The following PEX1 variants were observed in gnomAD, a reference collection of about 807,000 sequenced individuals.
PEX1 encodes peroxisomal ATPase PEX1.
In PEX1, 97 loss-of-function variants were observed where a neutral mutation model predicts 152.5. That is an observed-to-expected ratio of 0.64 (90% CI 0.54 to 0.75). The LOEUF (loss-of-function observed/expected upper bound fraction) is 0.75. PEX1 is among the 30% of genes least tolerant of loss of function. PEX1 has a pLI of 0.00. For synonymous variants in PEX1, 485 were observed against 531.6 expected, an observed-to-expected ratio of 0.91 and a Z score of 1.21; for missense variants, 1,357 against 1,516.3, an observed-to-expected ratio of 0.89 and a Z score of 1.74.
rs1198978658 is a variant in PEX1, at chr7:92,491,282, G to C, written c.3428C>G (p.Ser1143Cys). The stretch of plus-strand genomic sequence containing the variant: ...GACTGCACAAGATACCAAATCAGAA[G>C]AGGTTCCATTTCCAAGTTCTGATTC... ...SYESELGNGTSSDLSSQCLSA... is the reference protein window; with the variant it reads ...SYESELGNGTCSDLSSQCLSA... The change falls in exon 21 of 24, where the codon TCT becomes TGT. Residue 1143 changes from serine (S) to cysteine (C), a missense_variant. Transcript: ENST00000248633. 6 of 1,598,416 alleles carry C rather than the reference G, an allele frequency of 3.8e-6. No homozygotes were observed. In the Admixed American group the frequency reaches 5.0e-5, roughly 13 times the overall value.
Position 92,489,767 on chromosome 7 carries a change from G to C in PEX1, c.3583C>G (p.Gln1195Glu). 1 of 1,614,082 alleles carries C rather than the reference G, an allele frequency of 6.2e-7. No individual in the cohort carries two copies. Among genetic ancestry groups the C allele is most frequent in the Non-Finnish European group, 8.5e-7 (1 of 1,179,998 alleles). ...ATAATACTGATATCTGCCCTCAGTT[G>C]ATCTCTTTGTTCTTGTGTAAGTTCT... is the stretch of plus-strand genomic sequence containing the variant. ...CQELTQEQRD[Q>E]LRADISIIKG... The change falls in exon 22 of 24, where the codon CAA becomes GAA. Residue 1195 changes from glutamine to glutamate, a missense_variant. Coordinates refer to ENST00000248633, the MANE Select transcript of PEX1 (RefSeq NM_000466.3).
chr7:92,511,805 C>A, intron 6 of PEX1, 102 bp from the exon 7 acceptor site: 1 of 1,044,488 alleles, frequency 9.6e-7, no homozygotes, highest in Non-Finnish European at 1.4e-6. Flanking sequence ...TAAGCCTGAC[C>A]AAACAAATCC....
chr7:92,511,880 G>A (rs1440420858), intron 6 of PEX1, among the ~76,000 whole-genome samples, 177 bp from the exon 7 acceptor site: 1 of 152,244 alleles, frequency 6.6e-6, no homozygotes, highest in Non-Finnish European at 1.5e-5. Flanking sequence ...AGCACAATGA[G>A]TGCAGTGTAG....
At chr7:92,506,427 C>T (rs1792193881) in intron 10 of PEX1, 83 bp from the exon 11 acceptor site, 2 of 887,590 alleles carry the variant, frequency 2.3e-6, no homozygotes, top group East Asian at 4.9e-5. Context: ...CACCAAGATT[C>T]AGCCTCAATT....
intron 11 of PEX1, 74 bp downstream of exon 11, chr7:92,506,174 T>A (rs982717344): frequency 2.4e-6 from 2 of 829,322 alleles, no homozygotes; most frequent in Non-Finnish European, 2.1e-6. Context: ...TTTATTAGAT[T>A]GACAGCATTA....
chr7:92,517,944 T>C lies in PEX1; in HGVS notation c.571A>G (p.Lys191Glu). 6.3e-7 allele frequency: 1 copy of C among 1,597,802 alleles called. No homozygotes were observed. The highest frequency in any genetic ancestry group is 8.5e-7 in the Non-Finnish European group (1 of 1,173,892). ...AGTTTTTTATATTCAGCATCAGCTT[T>C]TGAAAATGTATTCTCTTTGGCTCGG... is the stretch of plus-strand genomic sequence containing the variant. ...TRRAKENTFS[K>E]ADAEYKKLHS... Residue 191 changes from lysine to glutamate, a missense_variant, in exon 5 of 24, where the codon AAA becomes GAA. Transcript: ENST00000248633.
chr7:92,528,162 G>C (rs1384551803), intron 1 of PEX1, 145 bp downstream of exon 1: 5 of 1,028,420 alleles, frequency 4.9e-6, no homozygotes, highest in African/African-American at 1.6e-5. Flanking sequence ...AGACTACCCA[G>C]AAGGGCCCTG....
intron 16 of PEX1, among the ~76,000 whole-genome samples, chr7:92,498,241 C>T (rs962484989): frequency 2.0e-5 from 3 of 152,026 alleles, no homozygotes; most frequent in South Asian, 2.1e-4. Flanking sequence ...CGGTAGCTCA[C>T]GTCTGTAATC....
intron 6 of PEX1, 72 bp downstream of exon 6, chr7:92,513,776 T>TTAGC: frequency 8.9e-7 from 1 of 1,123,612 alleles, no homozygotes; most frequent in South Asian, 1.3e-5. Flanking sequence ...TTCTTATTAC[T>TTAGC]TAGCTAAAGC....
chr7:92,523,085 G>C (rs1180993172), intron 1 of PEX1, among the ~76,000 whole-genome samples: 1 of 152,066 alleles, frequency 6.6e-6, no homozygotes, highest in Non-Finnish European at 1.5e-5. Flanking sequence ...GACCAAAAAA[G>C]GGTTTTCTAT....
chr7:92,511,392 T>C (rs1792459434), intron 7 of PEX1, among the ~76,000 whole-genome samples, 188 bp downstream of exon 7: 1 of 152,366 alleles, frequency 6.6e-6, no homozygotes, highest in East Asian at 1.9e-4. Flanking sequence ...CCCAAAGTGC[T>C]GGGATTACAG....
intron 2 of PEX1, 89 bp downstream of exon 2, chr7:92,522,011 TCC>T: frequency 7.5e-7 from 1 of 1,325,954 alleles, no homozygotes; most frequent in Non-Finnish European, 1.1e-6. Context: ...ACATCTCACC[TCC>T]TTTAACAAAA....
chr7:92,504,926 G>C (rs1455948303), intron 11 of PEX1, 24 bp from the exon 12 acceptor site: 3 of 1,566,204 alleles, frequency 1.9e-6, no homozygotes, highest in Non-Finnish European at 1.8e-6. Context: ...ATATGAAATG[G>C]TTTCAGTATC....
At chr7:92,503,336 A>G in intron 12 of PEX1, 141 bp from the exon 13 acceptor site, 1 of 722,794 alleles carries the variant, frequency 1.4e-6, no homozygotes, top group South Asian at 1.7e-5. Context: ...ATGTCTTTAA[A>G]AAATGAATCC....
At chr7:92,511,509 G>T in intron 7 of PEX1, 71 bp downstream of exon 7, 3 of 1,170,216 alleles carry the variant, frequency 2.6e-6, no homozygotes, top group Non-Finnish European at 3.8e-6. Context: ...AGGTATGACA[G>T]GTTGCAAGAA....
chr7:92,517,144 C>T (rs747045037), intron 5 of PEX1, 132 bp downstream of exon 5: 11 of 738,876 alleles, frequency 1.5e-5, no homozygotes, highest in Admixed American at 2.3e-5. Flanking sequence ...AAATGTGTCC[C>T]CCAAGTGCCT....
intron 12 of PEX1, among the ~76,000 whole-genome samples, chr7:92,504,446 T>A (rs1043427149): frequency 1.3e-5 from 2 of 152,062 alleles, no homozygotes; most frequent in African/African-American, 4.8e-5. Context: ...TGACAAATAT[T>A]TGTCAAATGA....
chr7:92,491,177 A>G, intron 21 of PEX1, 95 bp downstream of exon 21: 1 of 830,028 alleles, frequency 1.2e-6, no homozygotes, highest in South Asian at 1.4e-5. Context: ...ACCAGGAAGA[A>G]TATGTGGGGC....
rs549831908 is a variant in PEX1 at position 92,517,829 on chromosome 7, T to C, written c.686A>G (p.Asn229Ser). Residue 229 changes from asparagine (N) to serine (S), a missense_variant, in exon 5 of 24, where the codon AAT becomes AGT. Asn to Ser is a conservative substitution (Grantham distance 46, BLOSUM62 1). Coordinates refer to ENST00000248633, the MANE Select transcript of PEX1 (RefSeq NM_000466.3). ...AACTGGAATCTCTGACTCGTTTTCA[T>C]TAGATTCAGTGATTCCCACAGTATT... ...QSNTVGITESNENESEIPVDS... is the reference protein window; with the variant it reads ...QSNTVGITESSENESEIPVDS... 28 of 1,546,544 alleles carry C rather than the reference T, an allele frequency of 1.8e-5. 2 individuals carry two copies. The South Asian group carries it at 3.4e-4, about 19-fold the overall frequency.
Sources: gnomAD v4.1 joint callset for allele counts (sites outside exome capture counted in the v4.1 genomes callset) on GRCh38, gnomAD v4.1.1 for gene constraint, MANE v1.5 for transcripts, NCBI Gene and HGNC (gene_info 2026-07-23, HGNC 2026-07-21) for gene names.